The following PDZD2 variants were observed in gnomAD, a reference collection of about 807,000 sequenced individuals.
PDZD2 encodes the protein PDZ domain-containing protein 2.
PDZD2 carries 90 observed loss-of-function variants against 220.7 expected under a neutral mutation model. The observed-to-expected ratio is 0.41, with a 90% CI of 0.34 to 0.49. The LOEUF (loss-of-function observed/expected upper bound fraction) is 0.49, where lower values mean the gene tolerates loss of function less well. Ranked by LOEUF, PDZD2 falls within the 20% of genes least tolerant of loss-of-function variation. The probability of loss-of-function intolerance (pLI) is 0.28; values close to 1 mark genes in which losing one functional copy is unlikely to be tolerated. For synonymous variants in PDZD2, 1,375 were observed against 1,450.5 expected (o/e 0.95, Z 1.18); for missense variants, 3,174 against 3,608.5 (o/e 0.88, Z 3.08).
At chr5:31,814,865 G>A (rs1283937733) in intron 2 of PDZD2, among the ~76,000 whole-genome samples, 1 of 151,908 alleles carries the variant, frequency 6.6e-6, no homozygotes, top group Admixed American at 6.6e-5. Flanking sequence ...CAATAGAAAG[G>A]AGCGTATGGG....
chr5:31,993,059 G>A (rs1410640125), intron 3 of PDZD2, among the ~76,000 whole-genome samples: 1 of 152,148 alleles, frequency 6.6e-6, no homozygotes, highest in Non-Finnish European at 1.5e-5. Context: ...CCATCTTGGT[G>A]GTTGCACTGC....
intron 2 of PDZD2, among the ~76,000 whole-genome samples, chr5:31,934,152 G>A (rs988627086): frequency 6.6e-6 from 1 of 152,046 alleles, no homozygotes; most frequent in Admixed American, 6.6e-5. Context: ...CCTCTTGTTA[G>A]GACTGCAGTT....
chr5:32,071,485 A>T (rs1740734747), intron 16 of PDZD2, 67 bp downstream of exon 16: 6 of 1,292,696 alleles, frequency 4.6e-6, no homozygotes, highest in Non-Finnish European at 6.8e-6. Context: ...GGAGCCCACA[A>T]GTCAAGCCGG....
At chr5:31,839,906 C>T (rs536250482) in intron 2 of PDZD2, among the ~76,000 whole-genome samples, 81 of 152,178 alleles carry the variant, frequency 5.3e-4, no homozygotes, top group Non-Finnish European at 1.0e-3. Context: ...TGAAGAAGGA[C>T]ACGTTTGCTT....
intron 1 of PDZD2, among the ~76,000 whole-genome samples, chr5:31,787,996 A>G (rs943595173): frequency 6.6e-6 from 1 of 152,176 alleles, no homozygotes; most frequent in African/African-American, 2.4e-5. Context: ...CCCTTGTTGC[A>G]TAAAAGGATA....
At chr5:31,912,903 T>A (rs1743332524) in intron 2 of PDZD2, among the ~76,000 whole-genome samples, 3 of 152,278 alleles carry the variant, frequency 2.0e-5, no homozygotes, top group Admixed American at 2.0e-4. Context: ...ACATGCTGAG[T>A]GCAAGGATAA....
At chr5:31,878,869 C>T (rs1244297035) in intron 2 of PDZD2, among the ~76,000 whole-genome samples, 1 of 151,808 alleles carries the variant, frequency 6.6e-6, no homozygotes, top group Non-Finnish European at 1.5e-5. Context: ...CCGACCTCGG[C>T]TTATTTTGCA....
In PDZD2 at chr5:31,720,196, G is replaced by T. The variant is rs118187900; in HGVS notation, c.-360-78693G>T. On this transcript the variant is annotated intron_variant, in intron 1 of 24. Coordinates refer to ENST00000438447, the MANE Select transcript of PDZD2 (RefSeq NM_178140.4). ...TTCTAATTGGCAGAGCCCAGATCAC[G>T]TGTCTACATCTTAGCTGCAAGGGCA... Among the ~76,000 whole-genome samples, 39 of 152,314 alleles carry T rather than the reference G, an allele frequency of 2.6e-4. No individual in the cohort carries two copies. In the East Asian group the frequency reaches 4.6e-3, roughly 18 times the overall value.
chr5:31,883,665 C>A (rs1250204646), intron 2 of PDZD2, among the ~76,000 whole-genome samples: 3 of 149,026 alleles, frequency 2.0e-5, no homozygotes, highest in African/African-American at 7.5e-5. Flanking sequence ...GTCACCCAGG[C>A]TGGAGTGCAG....
intron 4 of PDZD2, among the ~76,000 whole-genome samples, chr5:31,997,124 A>T (rs1170743097): frequency 1.3e-5 from 2 of 152,196 alleles, no homozygotes; most frequent in African/African-American, 4.8e-5. Flanking sequence ...CATATACAGT[A>T]GGCATATAAA....
chr5:31,919,777 A>C (rs1744043099), intron 2 of PDZD2, among the ~76,000 whole-genome samples: 1 of 150,308 alleles, frequency 6.7e-6, no homozygotes, highest in Non-Finnish European at 1.5e-5. Context: ...ATCGGGGAGA[A>C]TGAGACAGGA....
At chr5:31,726,344 C>A (rs975621115) in intron 1 of PDZD2, among the ~76,000 whole-genome samples, 6 of 152,208 alleles carry the variant, frequency 3.9e-5, no homozygotes, top group Non-Finnish European at 8.8e-5. Context: ...GCCTGGCCAT[C>A]ATGGTGAAAC....
At chr5:32,011,063 A>G (rs1165630737) in intron 6 of PDZD2, among the ~76,000 whole-genome samples, 3 of 151,572 alleles carry the variant, frequency 2.0e-5, no homozygotes, top group African/African-American at 7.3e-5. Flanking sequence ...TTCAGTGCAT[A>G]TATTAATTTC....
At chr5:31,961,647 GT>G (rs1561198458) in intron 2 of PDZD2, among the ~76,000 whole-genome samples, 1 of 151,868 alleles carries the variant, frequency 6.6e-6, no homozygotes, top group Non-Finnish European at 1.5e-5. Flanking sequence ...GCTTTGTTTT[GT>G]TTGTTTGTTT....
At chr5:31,771,133 T>G (rs528324684) in intron 1 of PDZD2, among the ~76,000 whole-genome samples, 1 of 152,236 alleles carries the variant, frequency 6.6e-6, no homozygotes, top group East Asian at 1.9e-4. Flanking sequence ...TGTTTATAAA[T>G]TGGGAACCTC....
chr5:31,985,183 TTTC>T (rs554795945), intron 3 of PDZD2, among the ~76,000 whole-genome samples: 112 of 152,250 alleles, frequency 7.4e-4, no homozygotes, highest in African/African-American at 2.7e-3. Flanking sequence ...TTATAATGTG[TTTC>T]TTATCAGTGC....
intron 1 of PDZD2, among the ~76,000 whole-genome samples, chr5:31,689,324 T>C (rs1159410114): frequency 1.1e-5 from 1 of 92,202 alleles, no homozygotes; most frequent in African/African-American, 5.5e-5. Flanking sequence ...TATACACATA[T>C]ATATACATAT....
In PDZD2 at chr5:32,102,788, A is replaced by G. The variant is rs186909157; in HGVS notation, c.8353+1549A>G. On this transcript the variant is annotated intron_variant, in intron 24 of 24. Transcript: ENST00000438447. ...TCAGAAGGAGCAAGCAAATATGTAA[A>G]AAAAACAAAATGCAAGCTGGGTGTG... Among the ~76,000 whole-genome samples, 290 of 152,230 alleles carry G rather than the reference A, an allele frequency of 1.9e-3. 3 individuals are homozygous for G. Among genetic ancestry groups the G allele is most frequent in the African/African-American group, 6.6e-3 (275 of 41,512 alleles).
Position 32,000,019 on chromosome 5 carries a change from A to C in PDZD2, c.1122-120A>C. On this transcript the variant is annotated intron_variant, in intron 4 of 24. Coordinates refer to ENST00000438447, the MANE Select transcript of PDZD2 (RefSeq NM_178140.4). The surrounding 1 kb of genome is among the most constrained non-coding windows in gnomAD (Gnocchi z 4.5). Reference sequence around the variant, plus strand: ...CCCAACTGCCTCTGGCCATCACAGTATCCTCTTTAGCCCAATCTTAACCGT... The same window carrying C: ...CCCAACTGCCTCTGGCCATCACAGTCTCCTCTTTAGCCCAATCTTAACCGT... 1 of 770,752 alleles carries C rather than the reference A, an allele frequency of 1.3e-6. No homozygotes were observed. Among genetic ancestry groups the C allele is most frequent in the Non-Finnish European group, 2.2e-6 (1 of 463,736 alleles). The allele number at this position is 770,752 out of a possible 1,614,324, so 47.7% of individuals were successfully genotyped here.
Sources: gnomAD v4.1 joint callset for allele counts (sites outside exome capture counted in the v4.1 genomes callset) on GRCh38, gnomAD v4.1.1 for gene constraint, Gnocchi (gnomAD v3.1) non-coding constraint, MANE v1.5 for transcripts, NCBI Gene and HGNC (gene_info 2026-07-23, HGNC 2026-07-21) for gene names.